Variants in ATP6V1H observed in about 807,000 individuals in gnomAD.
ATP6V1H encodes ATPase H+ transporting V1 subunit H.
Under a neutral mutation model 71.7 loss-of-function variants are expected in ATP6V1H, and 39 were observed. The observed-to-expected ratio is 0.54, with a 90% CI of 0.42 to 0.71. The LOEUF (loss-of-function observed/expected upper bound fraction) is 0.71. Among genes scored for constraint, ATP6V1H ranks in the 30% least tolerant of loss-of-function variants. The pLI, the probability that ATP6V1H is intolerant of heterozygous loss-of-function variation, is 0.00. For synonymous variants in ATP6V1H, 192 were observed against 199.3 expected (o/e 0.96, Z 0.31); for missense variants, 509 against 594.9 (o/e 0.86, Z 1.50).
chr8:53,781,150 C>A (rs1809112030), intron 9 of ATP6V1H, among the ~76,000 whole-genome samples: 1 of 152,302 alleles, frequency 6.6e-6, no homozygotes, highest in African/African-American at 2.4e-5. Flanking sequence ...AGTTTACAGT[C>A]CCACCAACAG....
intron 4 of ATP6V1H, among the ~76,000 whole-genome samples, chr8:53,825,287 TC>T (rs1184095843): frequency 6.6e-6 from 1 of 152,112 alleles, no homozygotes; most frequent in East Asian, 1.9e-4. Context: ...TCCTCCCACC[TC>T]AGCCTCCCAA....
rs188616177 is a variant in ATP6V1H at position 53,742,134 on chromosome 8, T to C, written c.1391+1443A>G. On this transcript the variant is annotated intron_variant, in intron 13 of 13. Transcript: ENST00000359530. ...CGATCAGGTCTCTGCCTACCTCTCCTGAACCATGTTTTTCCCCTCGTACCA... is the reference window on the plus strand; with the variant it reads ...CGATCAGGTCTCTGCCTACCTCTCCCGAACCATGTTTTTCCCCTCGTACCA... Among the ~76,000 whole-genome samples, 11 of 152,352 alleles carry C rather than the reference T, an allele frequency of 7.2e-5. No individual in the cohort carries two copies. The East Asian group carries it at 1.3e-3, about 19-fold the overall frequency.
intron 4 of ATP6V1H, among the ~76,000 whole-genome samples, chr8:53,818,355 C>CT (rs1477136777): frequency 6.6e-6 from 1 of 152,002 alleles, no homozygotes; most frequent in Non-Finnish European, 1.5e-5. Flanking sequence ...GGTCATAATA[C>CT]TTTTTAAAAG....
rs532533897 is a variant in ATP6V1H, at chr8:53,758,699, T to A, written c.1176-2043A>T. On this transcript the variant is annotated intron_variant, in intron 11 of 13. Transcript: ENST00000359530. ...TCTGTATTTAATCTTATTTTCAGAA[T>A]TTCGTTATTTAAGACTGACATTCTG... is the stretch of plus-strand genomic sequence containing the variant. Among the ~76,000 whole-genome samples, 23 of 152,346 alleles carry A rather than the reference T, an allele frequency of 1.5e-4. No individual in the cohort carries two copies. In the South Asian group the frequency reaches 4.8e-3, roughly 32 times the overall value.
chr8:53,725,796 G>A (rs76472312), intron 13 of ATP6V1H, among the ~76,000 whole-genome samples: 1 of 151,696 alleles, frequency 6.6e-6, no homozygotes, highest in East Asian at 1.9e-4. Context: ...AAAACAGCTG[G>A]GAGAAAAATG....
At chr8:53,819,879 A>G (rs1419794105) in intron 4 of ATP6V1H, among the ~76,000 whole-genome samples, 1 of 150,418 alleles carries the variant, frequency 6.6e-6, no homozygotes, top group African/African-American at 2.4e-5. Flanking sequence ...GGATGAGAAT[A>G]ATACCAGCTA....
intron 13 of ATP6V1H, among the ~76,000 whole-genome samples, chr8:53,741,782 A>T (rs1456434038): frequency 6.6e-6 from 1 of 152,170 alleles, no homozygotes; most frequent in Non-Finnish European, 1.5e-5. Context: ...CTTGCACTGA[A>T]GTTATGGAAA....
At chr8:53,757,655 C>T (rs916361113) in intron 11 of ATP6V1H, among the ~76,000 whole-genome samples, 3 of 152,132 alleles carry the variant, frequency 2.0e-5, no homozygotes, top group African/African-American at 7.2e-5. Flanking sequence ...GAAATAGATA[C>T]ACACAAACTT....
intron 13 of ATP6V1H, among the ~76,000 whole-genome samples, chr8:53,718,892 GGTGGAACTTT>G (rs1806521512): frequency 6.6e-6 from 1 of 152,220 alleles, no homozygotes. Context: ...AGGGGCCCCA[GGTGGAACTTT>G]GTGAGCCTGG....
chr8:53,801,990 T>G, intron 7 of ATP6V1H, 94 bp from the exon 8 acceptor site: 2 of 1,096,372 alleles, frequency 1.8e-6, no homozygotes, highest in South Asian at 3.0e-5. Context: ...GATTACCTAC[T>G]GGAATTACCA....
chr8:53,749,378 C>T (rs925230310), intron 12 of ATP6V1H, among the ~76,000 whole-genome samples: 1 of 152,160 alleles, frequency 6.6e-6, no homozygotes. Flanking sequence ...GACAATTGTA[C>T]TCGAGGGCTG....
At chr8:53,801,926 A>G in intron 7 of ATP6V1H, 30 bp from the exon 8 acceptor site, 1 of 1,590,622 alleles carries the variant, frequency 6.3e-7, no homozygotes, top group Non-Finnish European at 8.6e-7. Flanking sequence ...GAGTTTTTAA[A>G]TGGGAAGCAT....
chr8:53,716,986 G>C (rs183673890), intron 13 of ATP6V1H, among the ~76,000 whole-genome samples: 1 of 152,186 alleles, frequency 6.6e-6, no homozygotes, highest in Admixed American at 6.5e-5. Flanking sequence ...TGACCTCCTG[G>C]GTATTCCCAT....
chr8:53,754,475 A>C (rs1286712370), intron 12 of ATP6V1H, among the ~76,000 whole-genome samples: 1 of 152,116 alleles, frequency 6.6e-6, no homozygotes, highest in Non-Finnish European at 1.5e-5. Context: ...CTCACCACCC[A>C]TGTCCCCCAG....
intron 9 of ATP6V1H, among the ~76,000 whole-genome samples, chr8:53,775,195 T>A (rs1458777277): frequency 6.6e-6 from 1 of 152,058 alleles, no homozygotes; most frequent in Non-Finnish European, 1.5e-5. Flanking sequence ...CATGTGGAGT[T>A]GTTCGTTCCT....
At chr8:53,743,753 AG>A (rs2130187237) in intron 12 of ATP6V1H, 63 bp from the exon 13 acceptor site, 1 of 1,184,334 alleles carries the variant, frequency 8.4e-7, no homozygotes, top group Admixed American at 2.1e-5. Flanking sequence ...GTTTGTAAGC[AG>A]GCAGCTCAAA....
chr8:53,789,464 T>C (rs547678335), intron 9 of ATP6V1H, among the ~76,000 whole-genome samples: 5 of 152,218 alleles, frequency 3.3e-5, no homozygotes, highest in Admixed American at 2.0e-4. Flanking sequence ...GCCTGGGCAA[T>C]AGAGCAAGAC....
intron 11 of ATP6V1H, among the ~76,000 whole-genome samples, chr8:53,769,368 C>A (rs191204215): frequency 3.9e-5 from 6 of 152,148 alleles, no homozygotes; most frequent in Non-Finnish European, 5.9e-5. Context: ...ATATATGAGA[C>A]AACAACTTCA....
intron 13 of ATP6V1H, among the ~76,000 whole-genome samples, chr8:53,725,184 G>A (rs1167365661): frequency 6.6e-6 from 1 of 152,088 alleles, no homozygotes; most frequent in African/African-American, 2.4e-5. Context: ...ATCCATTCAT[G>A]AATTAATAGA....
Sources: gnomAD v4.1 joint callset for allele counts (sites outside exome capture counted in the v4.1 genomes callset) on GRCh38, gnomAD v4.1.1 for gene constraint, MANE v1.5 for transcripts, NCBI Gene and HGNC (gene_info 2026-07-23, HGNC 2026-07-21) for gene names.